Variants in LAMB1 observed in about 807,000 individuals in gnomAD.
LAMB1 encodes the protein laminin subunit beta-1.
A neutral mutation model predicts 222.3 loss-of-function variants in LAMB1; 121 were observed. The ratio of observed to expected loss-of-function variants is 0.54; its 90% confidence interval spans 0.47 to 0.63. The LOEUF is 0.63. LAMB1 is among the 30% of genes least tolerant of loss of function. The pLI, the probability that LAMB1 is intolerant of heterozygous loss-of-function variation, is 0.00. For synonymous variants in LAMB1, 794 were observed against 807.2 expected (o/e 0.98, Z 0.28); for missense variants, 2,172 against 2,240.8 (o/e 0.97, Z 0.62).
At chr7:107,995,469 T>A (rs1460653900) in intron 4 of LAMB1, among the ~76,000 whole-genome samples, 2 of 152,230 alleles carry the variant, frequency 1.3e-5, no homozygotes, top group African/African-American at 4.8e-5. Flanking sequence ...CATATGTTAG[T>A]TATACCACAA....
Position 107,961,207 on chromosome 7 carries a change from G to C in LAMB1, c.2108C>G (p.Ser703Cys), listed in dbSNP as rs1584508711. ...TGCCAGAAGCAATCTCGCACTTACA[G>C]AATCGATCAGCGTGTAGGGGCTCTC... ...DVESPYTLID[S>C]LVLMPYCKSL... Residue 703 changes from serine (S) to cysteine (C), a missense_variant and splice_region_variant, in exon 17 of 34, where the codon TCT becomes TGT. Transcript: ENST00000222399. 6.2e-7 allele frequency: 1 copy of C among 1,614,062 alleles called. No homozygotes were observed.
At chr7:107,924,638 T>C (rs547616628) in intron 32 of LAMB1, among the ~76,000 whole-genome samples, 2 of 152,346 alleles carry the variant, frequency 1.3e-5, no homozygotes, top group Non-Finnish European at 2.9e-5. Flanking sequence ...CTCCTGATTA[T>C]TACTTTTCTA....
chr7:108,001,486 C>G, intron 3 of LAMB1, 72 bp downstream of exon 3: 1 of 1,458,140 alleles, frequency 6.9e-7, no homozygotes, highest in Non-Finnish European at 9.2e-7. Flanking sequence ...TGCGGAGTCC[C>G]CAGGGCCTGC....
At chr7:108,001,532 C>A in intron 3 of LAMB1, 26 bp downstream of exon 3, 1 of 1,562,878 alleles carries the variant, frequency 6.4e-7, no homozygotes, top group Admixed American at 1.8e-5. Flanking sequence ...GCTAGCAGAG[C>A]CTCGAACCCC....
At chr7:107,999,842 C>G (rs374114542) in intron 3 of LAMB1, 1 of 148,906 alleles carries the variant, frequency 6.7e-6, no homozygotes, top group African/African-American at 2.5e-5. Flanking sequence ...AAGAGAAGAA[C>G]CAAGAAGCAA....
In LAMB1 at chr7:107,962,707, CA is replaced by C. The variant is rs57580761; in HGVS notation, c.1857+197del. Among the ~76,000 whole-genome samples, 26,541 of 98,492 alleles carry C rather than the reference CA, an allele frequency of 0.27. 2,238 individuals are homozygous for C. Among genetic ancestry groups the C allele is most frequent in the Non-Finnish European group, 0.34 (15,449 of 45,956 alleles). 64.6% of individuals were successfully genotyped at this position (98,492 alleles called of 152,430 possible). A position where few individuals can be genotyped will look rare whatever the true frequency, so the allele number is the denominator to read the frequency against. Reference sequence around the variant, plus strand: ...CCAGCCTGGACAACAGAGCGAGACTCAAAAAAAAAAAAAAAAAAGAAAGAAA... The same window carrying C: ...CCAGCCTGGACAACAGAGCGAGACTCAAAAAAAAAAAAAAAAAGAAAGAAA... On this transcript the variant is annotated intron_variant, in intron 15 of 33. Coordinates refer to ENST00000222399, the MANE Select transcript of LAMB1 (RefSeq NM_002291.3).
intron 13 of LAMB1, among the ~76,000 whole-genome samples, chr7:107,972,290 C>T (rs1306249593): frequency 1.3e-5 from 2 of 152,170 alleles, no homozygotes; most frequent in Non-Finnish European, 2.9e-5. Flanking sequence ...GAAGCTTGCT[C>T]AATGAATTCA....
At chr7:107,990,154 T>A (rs911939012) in intron 5 of LAMB1, among the ~76,000 whole-genome samples, 1 of 152,036 alleles carries the variant, frequency 6.6e-6, no homozygotes, top group Non-Finnish European at 1.5e-5. Context: ...TCCTCCAACC[T>A]CAGCCTCCTG....
Position 107,978,117 on chromosome 7 carries a change from T to C in LAMB1, c.930A>G (p.Glu310=), listed in dbSNP as rs752462520. ...CRHNTKGLNC[E]LCMDFYHDLP... ...AATCATGGTAGAAATCCATGCAGAG[T>C]TCACAGTTTAAGCCCTTGGTGTTAT... The change falls in exon 9 of 34, where the codon GAA becomes GAG. Residue 310 remains glutamate, a synonymous_variant. Transcript: ENST00000222399. 6.2e-7 allele frequency: 1 copy of C among 1,614,082 alleles called. No homozygotes were observed. The highest frequency in any genetic ancestry group is 1.1e-5 in the South Asian group (1 of 91,076).
intron 29 of LAMB1, 111 bp downstream of exon 29, chr7:107,931,245 C>T (rs1311223103): frequency 2.0e-5 from 15 of 745,322 alleles, no homozygotes; most frequent in East Asian, 6.2e-5. Context: ...GGACGTTTTT[C>T]TTATTTGGAA....
rs571848559 is a variant in LAMB1 at position 107,959,784 on chromosome 7, C to T, written c.2365G>A (p.Gly789Arg). The stretch of plus-strand genomic sequence containing the variant: ...TTGGGCCGGCACTGGCACTGGCCTC[C>T]GTTGGGATCACACACGGAACTTAAC... Reference protein sequence around the residue: ...GSLSSVCDPNGGQCQCRPNVV... With the variant: ...GSLSSVCDPNRGQCQCRPNVV... The change falls in exon 19 of 34, where the codon GGA (glycine) becomes AGA (arginine). Residue 789 changes from glycine to arginine, a missense_variant. Gly to Arg is a moderately radical substitution (Grantham distance 125). Transcript: ENST00000222399. 2.4e-5 allele frequency: 39 copies of T among 1,613,910 alleles called. No individual in the cohort carries two copies. The highest frequency in any genetic ancestry group is 4.0e-5 in the African/African-American group (3 of 74,930).
intron 4 of LAMB1, among the ~76,000 whole-genome samples, chr7:107,996,688 C>A (rs1455802989): frequency 6.6e-6 from 1 of 152,200 alleles, no homozygotes; most frequent in Non-Finnish European, 1.5e-5. Context: ...CATCTGGTCT[C>A]TTTTGTCCCA....
chr7:107,997,868 CAG>C (rs1484821377), intron 4 of LAMB1, among the ~76,000 whole-genome samples: 13 of 152,056 alleles, frequency 8.5e-5, no homozygotes, highest in Non-Finnish European at 1.9e-4. Flanking sequence ...TCCATGTTGA[CAG>C]AGTCTTTGAA....
chr7:107,944,150 A>T (rs2033059814), intron 24 of LAMB1, among the ~76,000 whole-genome samples: 1 of 152,218 alleles, frequency 6.6e-6, no homozygotes, highest in Non-Finnish European at 1.5e-5. Context: ...GTTCAGTCCT[A>T]AACATTAGGT....
intron 14 of LAMB1, among the ~76,000 whole-genome samples, 198 bp from the exon 15 acceptor site, chr7:107,963,261 G>A (rs1171589873): frequency 6.6e-6 from 1 of 152,168 alleles, no homozygotes; most frequent in African/African-American, 2.4e-5. Context: ...TTTTAGTTTT[G>A]TGGTTGGAGC....
chr7:107,934,838 G>GGT, intron 27 of LAMB1, among the ~76,000 whole-genome samples: 1 of 150,382 alleles, frequency 6.6e-6, no homozygotes, highest in South Asian at 2.1e-4. Context: ...GGGTGAGGTG[G>GGT]GAAGATCGCT....
Position 107,928,934 on chromosome 7 carries a change from G to T in LAMB1, c.4887+130C>A, listed in dbSNP as rs2032636225. 7 of 906,374 alleles carry T rather than the reference G, an allele frequency of 7.7e-6. No individual in the cohort carries two copies. In the South Asian group the frequency reaches 1.1e-4, roughly 14 times the overall value. 56.1% of individuals were successfully genotyped at this position (906,374 alleles called of 1,614,324 possible). A position where few individuals can be genotyped will look rare whatever the true frequency, so the allele number is the denominator to read the frequency against. ...TTTTAGCATCCATGCTAACGGAGTA[G>T]TTTAGATTTATTAAAGGAATCCTTT... On this transcript the variant is annotated intron_variant, in intron 31 of 33. Coordinates refer to ENST00000222399, the MANE Select transcript of LAMB1 (RefSeq NM_002291.3).
chr7:107,964,446 A>G, intron 14 of LAMB1, 106 bp downstream of exon 14: 3 of 1,342,140 alleles, frequency 2.2e-6, no homozygotes, highest in Non-Finnish European at 2.1e-6. Context: ...GTGCTCACTG[A>G]CAAAGCTATA....
chr7:107,931,133 GCTAC>G (rs2032699735), intron 29 of LAMB1, among the ~76,000 whole-genome samples: 3 of 152,142 alleles, frequency 2.0e-5, no homozygotes, highest in South Asian at 2.1e-4. Flanking sequence ...CTTTTGATTG[GCTAC>G]CTGAGTATCC....
Sources: allele counts gnomAD v4.1 joint callset (sites outside exome capture counted in the v4.1 genomes callset), GRCh38; gene constraint gnomAD v4.1.1; transcripts MANE v1.5; gene names NCBI Gene and HGNC (gene_info 2026-07-23, HGNC 2026-07-21).